Variants in ZBTB20 observed in about 807,000 individuals in gnomAD.
ZBTB20 encodes zinc finger and BTB domain containing 20.
A neutral mutation model predicts 56.9 loss-of-function variants in ZBTB20; 9 were observed. The observed-to-expected ratio is 0.16, with a 90% CI of 0.10 to 0.28. The LOEUF is 0.28. Ranked by LOEUF, ZBTB20 falls within the 10% of genes least tolerant of loss-of-function variation. The pLI is 1.00. For synonymous variants in ZBTB20, 417 were observed against 420.7 expected (o/e 0.99, Z 0.11); for missense variants, 655 against 1,003.0 (o/e 0.65, Z 4.69).
At chr3:114,515,639 T>C (rs1385008918) in intron 6 of ZBTB20, among the ~76,000 whole-genome samples, 1 of 152,180 alleles carries the variant, frequency 6.6e-6, no homozygotes, top group African/African-American at 2.4e-5. Context: ...TTGCCTCCTT[T>C]TGCATAGAGA....
At chr3:114,528,016 G>A (rs1257305678) in intron 6 of ZBTB20, among the ~76,000 whole-genome samples, 1 of 145,596 alleles carries the variant, frequency 6.9e-6, no homozygotes, top group Non-Finnish European at 1.5e-5. Flanking sequence ...TTGGTTACTA[G>A]ATTATCCTGA....
At chr3:114,800,726 T>C (rs1462571550) in intron 5 of ZBTB20, among the ~76,000 whole-genome samples, 1 of 150,426 alleles carries the variant, frequency 6.6e-6, no homozygotes, top group African/African-American at 2.4e-5. Context: ...CCAAAAGAAA[T>C]CTTTTACCTT....
chr3:114,567,156 G>C (rs1438046380), intron 6 of ZBTB20, among the ~76,000 whole-genome samples: 1 of 152,112 alleles, frequency 6.6e-6, no homozygotes, highest in African/African-American at 2.4e-5. Context: ...AGCTGCACAT[G>C]TTATTGTGTG....
intron 5 of ZBTB20, among the ~76,000 whole-genome samples, chr3:114,732,350 C>G (rs542951160): frequency 2.6e-5 from 4 of 152,134 alleles, no homozygotes; most frequent in Admixed American, 2.0e-4. Context: ...CTGTTATCTT[C>G]CAAGGAAAGA....
intron 2 of ZBTB20, among the ~76,000 whole-genome samples, chr3:114,979,785 T>C (rs2108080532): frequency 6.6e-6 from 1 of 152,156 alleles, no homozygotes; most frequent in South Asian, 2.1e-4. Context: ...TCATCCATAA[T>C]CATGCATCCT....
At chr3:114,493,393 G>GC (rs914301557) in intron 7 of ZBTB20, among the ~76,000 whole-genome samples, 1 of 152,052 alleles carries the variant, frequency 6.6e-6, no homozygotes, top group Non-Finnish European at 1.5e-5. Context: ...TGGGATAAAT[G>GC]CCCCAAAGTT....
intron 7 of ZBTB20, 125 bp downstream of exon 7, chr3:114,500,227 C>CA (rs1369138989): frequency 6.6e-6 from 1 of 152,118 alleles, no homozygotes; most frequent in Non-Finnish European, 1.5e-5. Context: ...GCAAAAGAAA[C>CA]TAATACACAC....
intron 4 of ZBTB20, among the ~76,000 whole-genome samples, chr3:114,840,778 A>G (rs1422291776): frequency 2.0e-5 from 3 of 152,196 alleles, no homozygotes; most frequent in African/African-American, 7.2e-5. Flanking sequence ...TTATAGAGGA[A>G]GAATATAGGA....
intron 5 of ZBTB20, among the ~76,000 whole-genome samples, chr3:114,767,437 T>C (rs1266890471): frequency 1.3e-5 from 2 of 151,528 alleles, no homozygotes; most frequent in African/African-American, 2.4e-5. Context: ...AGCACTAAAA[T>C]AAAATGGGCC....
intron 10 of ZBTB20, 87 bp downstream of exon 10, chr3:114,380,130 C>T (rs1037557267): frequency 1.1e-5 from 15 of 1,336,428 alleles, no homozygotes; most frequent in East Asian, 1.0e-4. Context: ...GCAAAGAGCT[C>T]GCTCTGAAAG....
chr3:114,671,023 G>A (rs996233400), intron 6 of ZBTB20, among the ~76,000 whole-genome samples: 9 of 152,068 alleles, frequency 5.9e-5, no homozygotes, highest in Admixed American at 1.3e-4. Context: ...CTGCTCTAAT[G>A]GTATTTGTTG....
At chr3:114,611,324 T>C (rs2057532821) in intron 6 of ZBTB20, among the ~76,000 whole-genome samples, 1 of 152,100 alleles carries the variant, frequency 6.6e-6, no homozygotes, top group African/African-American at 2.4e-5. Flanking sequence ...AGATCGACAC[T>C]CTATGGTATA....
chr3:114,781,610 C>T (rs891165320), intron 5 of ZBTB20, among the ~76,000 whole-genome samples: 3 of 151,970 alleles, frequency 2.0e-5, no homozygotes, highest in African/African-American at 7.3e-5. Context: ...AATGCTACAC[C>T]CATTTGTGGC....
intron 4 of ZBTB20, among the ~76,000 whole-genome samples, chr3:114,801,516 CCT>C (rs1386595256): frequency 6.6e-6 from 1 of 151,050 alleles, no homozygotes; most frequent in Non-Finnish European, 1.5e-5. Context: ...AAAAAAAACT[CCT>C]AAACAATTTC....
At chr3:114,981,077 G>A (rs1188647213) in intron 2 of ZBTB20, among the ~76,000 whole-genome samples, 1 of 151,708 alleles carries the variant, frequency 6.6e-6, no homozygotes, top group Non-Finnish European at 1.5e-5. Context: ...CCTCTGGGAC[G>A]ATGAAAAAAA....
intron 5 of ZBTB20, among the ~76,000 whole-genome samples, chr3:114,739,724 G>A (rs936649598): frequency 6.6e-6 from 1 of 152,218 alleles, no homozygotes; most frequent in African/African-American, 2.4e-5. Flanking sequence ...TGAGTCAGAT[G>A]TAGGAACTGA....
Position 114,333,715 on chromosome 3 carries a change from A to G in ZBTB20, c.*5290T>C, listed in dbSNP as rs894464641. On this transcript the variant is annotated 3_prime_UTR_variant, in exon 12 of 12. Transcript: ENST00000675478. ...GAGGAACAAAATTGGCCATTTAAAT[A>G]AAGTTCTTTTCTAGTGAGTAAAGAG... 3.3e-5 allele frequency: 5 copies of G among 152,064 alleles called. No individual in the cohort carries two copies. The highest frequency in any genetic ancestry group is 9.7e-5 in the African/African-American group (4 of 41,404). The allele number at this position is 152,064 out of a possible 1,614,324, so 9.4% of individuals were successfully genotyped here. A position where few individuals can be genotyped will look rare whatever the true frequency, so the allele number is the denominator to read the frequency against.
chr3:114,635,942 T>C (rs561199155), intron 6 of ZBTB20, among the ~76,000 whole-genome samples: 12 of 151,268 alleles, frequency 7.9e-5, no homozygotes, highest in African/African-American at 2.9e-4. Flanking sequence ...TCCAGATTCA[T>C]GAAGTCCAAA....
At chr3:114,914,359 ATTTC>A (rs1262353027) in intron 3 of ZBTB20, among the ~76,000 whole-genome samples, 1 of 151,902 alleles carries the variant, frequency 6.6e-6, no homozygotes, top group African/African-American at 2.4e-5. Flanking sequence ...TACTTTTTAA[ATTTC>A]TTTTTCAGAT....
Sources: allele counts gnomAD v4.1 joint callset (sites outside exome capture counted in the v4.1 genomes callset), GRCh38; gene constraint gnomAD v4.1.1; transcripts MANE v1.5; gene names NCBI Gene and HGNC (gene_info 2026-07-23, HGNC 2026-07-21).